Variants in SASS6 observed in about 807,000 individuals in gnomAD.
The protein encoded by SASS6 is spindle assembly abnormal protein 6 homolog.
Under a neutral mutation model 94.9 loss-of-function variants are expected in SASS6, and 59 were observed. The ratio of observed to expected loss-of-function variants is 0.62; its 90% CI spans 0.50 to 0.77. The LOEUF (loss-of-function observed/expected upper bound fraction) is 0.77. SASS6 is among the 30% of genes least tolerant of loss of function. The pLI is 0.00. For synonymous variants in SASS6, 264 were observed against 270.0 expected (o/e 0.98, Z 0.22); for missense variants, 698 against 734.1 (o/e 0.95, Z 0.57).
chr1:100,114,535 A>C (rs560056677), intron 7 of SASS6, among the ~76,000 whole-genome samples: 1 of 151,026 alleles, frequency 6.6e-6, no homozygotes, highest in South Asian at 2.1e-4. Flanking sequence ...AAAATAAATA[A>C]ATAAAAATAA....
At chr1:100,118,954 T>A (rs1653975206) in intron 7 of SASS6, 64 bp downstream of exon 7, 2 of 1,255,502 alleles carry the variant, frequency 1.6e-6, no homozygotes, top group South Asian at 3.5e-5. Context: ...ATATTACTTT[T>A]AAAATTAACA....
At chr1:100,129,236 C>T (rs1046564304) in intron 1 of SASS6, among the ~76,000 whole-genome samples, 1 of 149,032 alleles carries the variant, frequency 6.7e-6, no homozygotes, top group Admixed American at 6.7e-5. Context: ...CAGCCTCTCT[C>T]TAAAAAAAAA....
intron 1 of SASS6, among the ~76,000 whole-genome samples, chr1:100,128,229 GT>G (rs1282982045): frequency 3.9e-5 from 6 of 152,078 alleles, no homozygotes; most frequent in African/African-American, 1.4e-4. Context: ...TAGAGATGGG[GT>G]TTCACCATGT....
At chr1:100,092,007 CAAAAAAA>C (rs34503110) in intron 14 of SASS6, among the ~76,000 whole-genome samples, 12 of 50,050 alleles carry the variant, frequency 2.4e-4, no homozygotes, top group East Asian at 6.4e-4. Context: ...GACCCTGTCT[CAAAAAAA>C]AAAAAAAAAA....
At position 100,084,658 on chromosome 1, in the gene SASS6, T is replaced by C. The variant is rs911083645; in HGVS notation, c.*670A>G. On this transcript the variant is annotated 3_prime_UTR_variant, in exon 17 of 17. Transcript: ENST00000287482. ...TAAACATTTAGGAAGCACTGAAGTT[T>C]TAAAAACTTGTCAGCTCAAATGACA... 3.3e-5 allele frequency: 5 copies of C among 152,110 alleles called. No individual in the cohort carries two copies. Among genetic ancestry groups the C allele is most frequent in the Non-Finnish European group, 5.9e-5 (4 of 67,968 alleles). The allele number at this position is 152,110 out of a possible 1,614,324, so 9.4% of individuals were successfully genotyped here.
chr1:100,120,158 C>T (rs930694845), intron 6 of SASS6, among the ~76,000 whole-genome samples: 11 of 152,012 alleles, frequency 7.2e-5, no homozygotes, highest in African/African-American at 2.7e-4. Context: ...AATGAAGACT[C>T]GAGGGAACAT....
rs1487591865 is a variant in SASS6, at chr1:100,084,200, T to C, written c.*1128A>G. 1 of 151,994 alleles carries C rather than the reference T, an allele frequency of 6.6e-6. No homozygotes were observed. Among genetic ancestry groups the C allele is most frequent in the Non-Finnish European group, 1.5e-5 (1 of 67,906 alleles). 9.4% of individuals were successfully genotyped at this position (151,994 alleles called of 1,614,324 possible). A position where few individuals can be genotyped will look rare whatever the true frequency, so the allele number is the denominator to read the frequency against. Reference sequence around the variant, plus strand: ...CTTACCATGGGACTCAGTAATGTTATTACATCAATATCTTGAAATGTTTCT... The same window carrying C: ...CTTACCATGGGACTCAGTAATGTTACTACATCAATATCTTGAAATGTTTCT... On this transcript the variant is annotated 3_prime_UTR_variant, in exon 17 of 17. Transcript: ENST00000287482.
chr1:100,085,668 CTTTA>C, intron 15 of SASS6, 38 bp from the exon 16 acceptor site: 1 of 1,254,212 alleles, frequency 8.0e-7, no homozygotes, highest in South Asian at 1.2e-5. Flanking sequence ...TTAACAAAGT[CTTTA>C]TTAACTTTGA....
At position 100,084,745 on chromosome 1, in the gene SASS6, T is replaced by G. The variant is rs1024737381; in HGVS notation, c.*583A>C. 3.9e-5 allele frequency: 6 copies of G among 152,196 alleles called. No homozygotes were observed. The highest frequency in any genetic ancestry group is 1.4e-4 in the African/African-American group (6 of 41,458). The allele number at this position is 152,196 out of a possible 1,614,324, so 9.4% of individuals were successfully genotyped here. A position where few individuals can be genotyped will look rare whatever the true frequency, so the allele number is the denominator to read the frequency against. ...TTATTTTAAGTATATCAAATTTATT[T>G]GATTCATCACTAGCAAATTTAAATG... is the stretch of plus-strand genomic sequence containing the variant. On this transcript the variant is annotated 3_prime_UTR_variant, in exon 17 of 17. Coordinates refer to ENST00000287482, the MANE Select transcript of SASS6 (RefSeq NM_194292.3).
intron 12 of SASS6, among the ~76,000 whole-genome samples, 181 bp downstream of exon 12, chr1:100,106,731 T>C (rs1466024997): frequency 1.3e-5 from 2 of 152,044 alleles, no homozygotes; most frequent in African/African-American, 4.8e-5. Context: ...GGTGCACACC[T>C]TAGTCCCAGC....
chr1:100,086,894 G>A (rs1228479133), intron 15 of SASS6, among the ~76,000 whole-genome samples: 1 of 152,086 alleles, frequency 6.6e-6, no homozygotes, highest in Non-Finnish European at 1.5e-5. Context: ...CCATTAACAG[G>A]AATTCAAGGT....
Position 100,085,203 on chromosome 1 carries a change from A to G in SASS6, c.*125T>C, listed in dbSNP as rs1254014910. ...CTGCCATAAAAGCAGTACTTAAAGTATCCAGTCTTTAACAGCTCAAGTAAA... is the reference window on the plus strand; with the variant it reads ...CTGCCATAAAAGCAGTACTTAAAGTGTCCAGTCTTTAACAGCTCAAGTAAA... On this transcript the variant is annotated 3_prime_UTR_variant, in exon 17 of 17. Coordinates refer to ENST00000287482, the MANE Select transcript of SASS6 (RefSeq NM_194292.3). 1.0e-5 allele frequency: 7 copies of G among 693,952 alleles called. No homozygotes were observed. The African/African-American group carries it at 1.1e-4, about 11-fold the overall frequency. The allele number at this position is 693,952 out of a possible 1,614,324, so 43.0% of individuals were successfully genotyped here. A position where few individuals can be genotyped will look rare whatever the true frequency, so the allele number is the denominator to read the frequency against.
chr1:100,124,590 T>C (rs1260250503), intron 2 of SASS6, among the ~76,000 whole-genome samples: 1 of 152,150 alleles, frequency 6.6e-6, no homozygotes, highest in African/African-American at 2.4e-5. Context: ...CCATGTTGCC[T>C]ACACTGGTTT....
At chr1:100,106,532 G>A (rs1036192465) in intron 12 of SASS6, among the ~76,000 whole-genome samples, 1 of 151,994 alleles carries the variant, frequency 6.6e-6, no homozygotes, top group Non-Finnish European at 1.5e-5. Context: ...TTATGAATTC[G>A]AATAAAATTT....
intron 14 of SASS6, among the ~76,000 whole-genome samples, chr1:100,092,504 G>C (rs1014203137): frequency 6.6e-6 from 1 of 152,132 alleles, no homozygotes; most frequent in African/African-American, 2.4e-5. Context: ...AAAAGAACAA[G>C]AAGAACAGAA....
rs1195709265 is a variant in SASS6 at position 100,107,293 on chromosome 1, ATT to A, written c.1326+79_1326+80del. 17 of 846,790 alleles carry A rather than the reference ATT, an allele frequency of 2.0e-5. No homozygotes were observed. The East Asian group carries it at 4.1e-4, about 20-fold the overall frequency. The allele number at this position is 846,790 out of a possible 1,614,324, so 52.5% of individuals were successfully genotyped here. On this transcript the variant is annotated intron_variant, in intron 11 of 16. Coordinates refer to ENST00000287482, the MANE Select transcript of SASS6 (RefSeq NM_194292.3). The stretch of plus-strand genomic sequence containing the variant: ...TAAAAAAAAAAACAAGACCAAAGCC[ATT>A]TGTTAATGTAACAAAGCATAAATTT...
intron 3 of SASS6, among the ~76,000 whole-genome samples, chr1:100,122,727 AT>A (rs1654297065): frequency 6.6e-6 from 1 of 151,448 alleles, no homozygotes; most frequent in South Asian, 2.1e-4. Flanking sequence ...TAATTTTTGT[AT>A]TTTTAGTTAA....
intron 1 of SASS6, among the ~76,000 whole-genome samples, chr1:100,126,445 T>G (rs577419306): frequency 3.9e-5 from 6 of 152,362 alleles, no homozygotes; most frequent in African/African-American, 9.6e-5. Flanking sequence ...CCATGTCATG[T>G]AATCAAACTG....
At chr1:100,100,004 T>G (rs564720972) in intron 14 of SASS6, among the ~76,000 whole-genome samples, 1 of 152,168 alleles carries the variant, frequency 6.6e-6, no homozygotes, top group Non-Finnish European at 1.5e-5. Context: ...CAGAGGCTCA[T>G]GCCTGTAATC....
Sources: gnomAD v4.1 joint callset for allele counts (sites outside exome capture counted in the v4.1 genomes callset) on GRCh38, gnomAD v4.1.1 for gene constraint, MANE v1.5 for transcripts, NCBI Gene and HGNC (gene_info 2026-07-23, HGNC 2026-07-21) for gene names.